Variants in PARD3 observed in about 807,000 individuals in gnomAD.
PARD3 encodes partitioning defective 3 homolog.
In PARD3, 75 loss-of-function variants were observed where a neutral mutation model predicts 155.4. That is an observed-to-expected ratio of 0.48 (90% CI 0.40 to 0.58). The LOEUF is 0.58. Ranked by LOEUF, PARD3 falls within the 20% of genes least tolerant of loss-of-function variation. PARD3 has a pLI of 0.00. For synonymous variants in PARD3, 576 were observed against 610.5 expected, an observed-to-expected ratio of 0.94 and a Z score of 0.83; for missense variants, 1,642 against 1,721.7, an observed-to-expected ratio of 0.95 and a Z score of 0.82.
intron 5 of PARD3, among the ~76,000 whole-genome samples, chr10:34,413,174 CACACACAT>C (rs1359323384): frequency 5.7e-5 from 8 of 141,124 alleles, no homozygotes; most frequent in South Asian, 2.5e-4. Flanking sequence ...CACACACACA[CACACACAT>C]ATATATAAGA....
chr10:34,151,434 T>TTTTA (rs1296675774), intron 22 of PARD3, among the ~76,000 whole-genome samples: 2 of 152,162 alleles, frequency 1.3e-5, no homozygotes, highest in Non-Finnish European at 2.9e-5. Context: ...TTAAATTTTA[T>TTTTA]TTTACAACAG....
intron 2 of PARD3, among the ~76,000 whole-genome samples, chr10:34,678,554 A>T (rs192975185): frequency 1.3e-5 from 2 of 152,290 alleles, no homozygotes; most frequent in African/African-American, 4.8e-5. Context: ...TTAGTAAGAG[A>T]TTCCATACGA....
intron 1 of PARD3, among the ~76,000 whole-genome samples, chr10:34,731,015 T>G (rs1171059723): frequency 6.6e-6 from 1 of 152,180 alleles, no homozygotes; most frequent in Admixed American, 6.5e-5. Flanking sequence ...CTTAAGAATT[T>G]CACAGCTACA....
chr10:34,458,157 T>C (rs941815292), intron 4 of PARD3, among the ~76,000 whole-genome samples: 31 of 152,178 alleles, frequency 2.0e-4, no homozygotes, highest in African/African-American at 7.2e-4. Flanking sequence ...GGCTTTAAAA[T>C]TGTCTCATTT....
chr10:34,201,195 T>C (rs1951192861), intron 22 of PARD3, among the ~76,000 whole-genome samples: 1 of 152,200 alleles, frequency 6.6e-6, no homozygotes, highest in African/African-American at 2.4e-5. Flanking sequence ...GATGCAGTCA[T>C]GTACCTTGGG....
chr10:34,661,435 T>C (rs755436722), intron 2 of PARD3, among the ~76,000 whole-genome samples: 1 of 152,198 alleles, frequency 6.6e-6, no homozygotes, highest in Non-Finnish European at 1.5e-5. Context: ...TTAGGGTCCT[T>C]TTCCCCAAAT....
In PARD3 at chr10:34,244,492, G is replaced by A. The variant is rs546723486; in HGVS notation, c.3419+25165C>T. ...CTGTTCTTGAATCCAGCAGTATCAG[G>A]AGGATATTATATCATGACCACTGGC... On this transcript the variant is annotated intron_variant, in intron 22 of 24. Coordinates refer to ENST00000374788, the MANE Select transcript of PARD3 (RefSeq NM_001184785.2). Among the ~76,000 whole-genome samples the A allele has an allele frequency of 1.4e-4, 21 of 152,228 alleles. 1 individual carries two copies. The highest frequency in any genetic ancestry group is 6.8e-3 in the Middle Eastern group (2 of 294).
At chr10:34,265,881 T>C (rs1955276102) in intron 22 of PARD3, among the ~76,000 whole-genome samples, 1 of 152,052 alleles carries the variant, frequency 6.6e-6, no homozygotes, top group African/African-American at 2.4e-5. Context: ...AACAGGAACA[T>C]ACAAAAGAAC....
At chr10:34,210,966 G>A (rs1019739959) in intron 22 of PARD3, among the ~76,000 whole-genome samples, 2 of 152,104 alleles carry the variant, frequency 1.3e-5, no homozygotes, top group Admixed American at 1.3e-4. Context: ...CATAAGGGAG[G>A]ACAGGTGACA....
intron 19 of PARD3, among the ~76,000 whole-genome samples, chr10:34,330,495 C>T (rs1005194779): frequency 1.3e-5 from 2 of 148,470 alleles, no homozygotes; most frequent in Non-Finnish European, 1.5e-5. Flanking sequence ...TTCCTGAAAG[C>T]AAAAAAAGAA....
intron 1 of PARD3, among the ~76,000 whole-genome samples, chr10:34,736,584 A>G (rs1232106697): frequency 6.6e-6 from 1 of 152,110 alleles, no homozygotes; most frequent in Non-Finnish European, 1.5e-5. Context: ...GTTCATAAAG[A>G]AAGTGACAAC....
intron 2 of PARD3, among the ~76,000 whole-genome samples, chr10:34,533,232 C>T (rs138627345): frequency 2.6e-5 from 4 of 152,084 alleles, no homozygotes; most frequent in African/African-American, 7.2e-5. Flanking sequence ...TTTAAGTACA[C>T]CTGGACATAA....
chr10:34,390,038 G>A (rs1035472393), intron 7 of PARD3, among the ~76,000 whole-genome samples: 9 of 152,036 alleles, frequency 5.9e-5, no homozygotes, highest in Non-Finnish European at 8.8e-5. Flanking sequence ...ATGAGTCTGC[G>A]GCTGAGAATG....
chr10:34,445,358 C>T (rs1006859304), intron 5 of PARD3, among the ~76,000 whole-genome samples: 1 of 152,166 alleles, frequency 6.6e-6, no homozygotes, highest in African/African-American at 2.4e-5. Flanking sequence ...GGTTCTTGTC[C>T]TCTTCAACAG....
In PARD3 at chr10:34,345,038, A is replaced by G. The variant is rs889415897; in HGVS notation, c.2218+2927T>C. ...TGCCAGGATAGAATAAGATCTGGAGACTTTCGAATAACTGCTTACAGATGT... is the reference window on the plus strand; with the variant it reads ...TGCCAGGATAGAATAAGATCTGGAGGCTTTCGAATAACTGCTTACAGATGT... On this transcript the variant is annotated intron_variant, in intron 15 of 24. Coordinates refer to ENST00000374788, the MANE Select transcript of PARD3 (RefSeq NM_001184785.2). The G allele has an allele frequency of 4.1e-6, 4 of 984,642 alleles. No homozygotes were observed. In the African/African-American group the frequency reaches 7.0e-5, roughly 17 times the overall value. 61.0% of individuals were successfully genotyped at this position (984,642 alleles called of 1,614,324 possible).
Position 34,131,585 on chromosome 10 carries a change from T to C in PARD3, c.3420-2A>G, listed in dbSNP as rs1947615046. The C allele has an allele frequency of 1.2e-6, 2 of 1,613,556 alleles. No individual in the cohort carries two copies. Among genetic ancestry groups the C allele is most frequent in the African/African-American group, 2.7e-5 (2 of 74,922 alleles). On this transcript the variant is annotated splice_acceptor_variant, in intron 22 of 24. Coordinates refer to ENST00000374788, the MANE Select transcript of PARD3 (RefSeq NM_001184785.2). LOFTEE classifies it high-confidence loss of function. ...TGATTGCTAGGAGTTGATCTGTTAC[T>C]GAAAGAGAGATGAGGCAGCAGTGAA...
chr10:34,312,194 A>C, intron 20 of PARD3: 1 of 1,346,486 alleles, frequency 7.4e-7, no homozygotes, highest in Non-Finnish European at 1.0e-6. Context: ...CAAATGGATT[A>C]ATAAGGAAAT....
At chr10:34,653,203 G>A (rs972813073) in intron 2 of PARD3, among the ~76,000 whole-genome samples, 10 of 152,046 alleles carry the variant, frequency 6.6e-5, no homozygotes, top group African/African-American at 1.7e-4. Flanking sequence ...AGCAAATTAC[G>A]TTCGAACATT....
chr10:34,262,290 G>A (rs1050284500), intron 22 of PARD3, among the ~76,000 whole-genome samples: 2 of 151,696 alleles, frequency 1.3e-5, no homozygotes, highest in African/African-American at 4.8e-5. Flanking sequence ...TTTTAGAGAC[G>A]AGGTCTCACT....
Sources: gnomAD v4.1 joint callset for allele counts (sites outside exome capture counted in the v4.1 genomes callset) on GRCh38, gnomAD v4.1.1 for gene constraint, MANE v1.5 for transcripts, NCBI Gene and HGNC (gene_info 2026-07-23, HGNC 2026-07-21) for gene names.